The following PPP2R1B variants were observed in gnomAD, a reference collection of about 807,000 sequenced individuals.
PPP2R1B encodes protein phosphatase 2 scaffold subunit Abeta, also known as serine/threonine-protein phosphatase 2A 65 kDa regulatory subunit A beta isoform.
PPP2R1B carries 58 observed loss-of-function variants against 72.7 expected under a neutral mutation model. The observed-to-expected ratio is 0.80, with a 90% CI of 0.65 to 0.99. PPP2R1B has a LOEUF of 0.99. PPP2R1B is among the 50% of genes least tolerant of loss of function. The pLI, the probability that PPP2R1B is intolerant of heterozygous loss-of-function variation, is 0.00. For synonymous variants in PPP2R1B, 256 were observed against 264.6 expected, an observed-to-expected ratio of 0.97 and a Z score of 0.32; for missense variants, 695 against 733.6, an observed-to-expected ratio of 0.95 and a Z score of 0.61.
the PPP2R1B span, chr11:111,712,524 G>A: frequency 1.3e-6 from 1 of 791,180 alleles, no homozygotes; most frequent in Non-Finnish European, 2.0e-6. Context: ...CCTTAGAACA[G>A]TGTCCAGGCT....
chr11:111,699,915 T>C, the PPP2R1B span, among the ~76,000 whole-genome samples: 1 of 152,198 alleles, frequency 6.6e-6, no homozygotes, highest in East Asian at 1.9e-4. Context: ...CTCTTAAAGC[T>C]CACTGTGCAT....
chr11:111,757,049 G>A (rs1555049927), intron 5 of PPP2R1B, among the ~76,000 whole-genome samples: 1 of 151,826 alleles, frequency 6.6e-6, no homozygotes. Flanking sequence ...AGGAGGCAGA[G>A]GCTGCAGTGA....
intron 13 of PPP2R1B, 41 bp downstream of exon 13, chr11:111,742,482 A>G (rs1944557270): frequency 1.9e-6 from 3 of 1,585,634 alleles, no homozygotes; most frequent in Non-Finnish European, 2.6e-6. Context: ...GGTAAAATTT[A>G]AAGTACACTT....
At chr11:111,729,508 T>G (rs1044901582) in intron 15 of PPP2R1B, 3 of 152,278 alleles carry the variant, frequency 2.0e-5, no homozygotes, top group African/African-American at 7.2e-5. Context: ...AGTTTGTGAC[T>G]TCTCTGAGAT....
At chr11:111,688,272 C>A in the PPP2R1B span, 1 of 1,054,972 alleles carries the variant, frequency 9.5e-7, no homozygotes, top group Non-Finnish European at 1.4e-6. The surrounding 1 kb of genome is among the most constrained non-coding windows in gnomAD (Gnocchi z 4.2). Context: ...CTGATGACAT[C>A]AGGCTATCTC....
chr11:111,716,769 C>T, the PPP2R1B span, among the ~76,000 whole-genome samples: 1 of 152,002 alleles, frequency 6.6e-6, no homozygotes, highest in African/African-American at 2.4e-5. Flanking sequence ...AGGGGTACTG[C>T]CGGGTATTTT....
chr11:111,761,685 C>T (rs1555051512), intron 3 of PPP2R1B, among the ~76,000 whole-genome samples: 2 of 152,216 alleles, frequency 1.3e-5, no homozygotes, highest in African/African-American at 4.8e-5. Context: ...ACTGGCCAGG[C>T]ACGGTGGCTC....
chr11:111,725,219 A>C (rs1414106486), downstream of PPP2R1B: 4 of 152,642 alleles, frequency 2.6e-5, no homozygotes, highest in East Asian at 7.7e-4. Flanking sequence ...AGAAACCAAC[A>C]GTTTCCATTT....
the PPP2R1B span, chr11:111,712,489 G>A: frequency 9.0e-7 from 1 of 1,108,286 alleles, no homozygotes; most frequent in Non-Finnish European, 1.3e-6. Flanking sequence ...AAGTCACTCA[G>A]GAGTGATGCT....
chr11:111,742,409 C>T (rs959261016), intron 13 of PPP2R1B, 114 bp downstream of exon 13: 1 of 1,233,098 alleles, frequency 8.1e-7, no homozygotes, highest in Non-Finnish European at 1.1e-6. Context: ...TTTAAGCAAA[C>T]CCAGATCTTA....
chr11:111,727,375 A>C, intron 15 of PPP2R1B: 1 of 393,958 alleles, frequency 2.5e-6, no homozygotes, highest in South Asian at 4.3e-5. Context: ...CTCAGATATC[A>C]AGAACTCCCA....
intron 15 of PPP2R1B, chr11:111,730,119 A>G (rs1479864811): frequency 6.6e-6 from 1 of 152,264 alleles, no homozygotes; most frequent in Non-Finnish European, 1.5e-5. Context: ...GGATTAAAAA[A>G]GTAATAACAG....
the PPP2R1B span, among the ~76,000 whole-genome samples, chr11:111,699,859 C>CACA: frequency 6.6e-6 from 1 of 152,190 alleles, no homozygotes; most frequent in Admixed American, 6.5e-5. Flanking sequence ...CAAATCCAGT[C>CACA]AATCTGTCTG....
At position 111,766,292 on chromosome 11, in the gene PPP2R1B, G is replaced by C; in HGVS notation, c.70C>G (p.Pro24Ala). ...AGCTCGTCGATTAAAACCGCGATCG[G>C]GTATAGCGAATCATCTCCATCTCCA... ...AGGDGDDSLY[P>A]IAVLIDELRN... Residue 24 changes from proline to alanine, a missense_variant, in exon 1 of 15, where the codon CCG (proline) becomes GCG (alanine). Coordinates refer to ENST00000527614, the MANE Select transcript of PPP2R1B (RefSeq NM_002716.5). 3.8e-6 allele frequency: 6 copies of C among 1,591,320 alleles called. No individual in the cohort carries two copies. The highest frequency in any genetic ancestry group is 5.1e-6 in the Non-Finnish European group (6 of 1,170,528).
At chr11:111,732,016 TTG>T (rs1054664508) in intron 15 of PPP2R1B, among the ~76,000 whole-genome samples, 2 of 152,130 alleles carry the variant, frequency 1.3e-5, no homozygotes, top group African/African-American at 4.8e-5. Flanking sequence ...TCTGCAGCCT[TTG>T]TGAGTCGAAG....
chr11:111,723,799 G>A (rs775009998), downstream of PPP2R1B: 1 of 1,613,832 alleles, frequency 6.2e-7, no homozygotes, highest in Non-Finnish European at 8.5e-7. Flanking sequence ...TGCCCACGCA[G>A]CTACAGCAGC....
intron 10 of PPP2R1B, among the ~76,000 whole-genome samples, chr11:111,750,843 G>A (rs1015905054): frequency 6.9e-6 from 1 of 145,606 alleles, no homozygotes; most frequent in South Asian, 2.2e-4. Flanking sequence ...TTTTTGTTTT[G>A]TTTTTTTTTT....
chr11:111,765,224 A>C, intron 2 of PPP2R1B, 70 bp downstream of exon 2: 2 of 1,433,156 alleles, frequency 1.4e-6, no homozygotes, highest in Non-Finnish European at 1.9e-6. Flanking sequence ...ATAAACTCTA[A>C]AAAAGTCAGT....
At chr11:111,730,328 G>A (rs1944145161) in intron 15 of PPP2R1B, 1 of 152,220 alleles carries the variant, frequency 6.6e-6, no homozygotes, top group Non-Finnish European at 1.5e-5. Context: ...GGAAATTCAA[G>A]TGGTGAGACC....
Sources: allele counts gnomAD v4.1 joint callset (sites outside exome capture counted in the v4.1 genomes callset), GRCh38; gene constraint gnomAD v4.1.1; non-coding constraint Gnocchi (gnomAD v3.1); transcripts MANE v1.5; gene names NCBI Gene and HGNC (gene_info 2026-07-23, HGNC 2026-07-21).